FARS2: variants seen among roughly 807,000 people sequenced by gnomAD.
FARS2 encodes phenylalanyl-tRNA synthetase 2, mitochondrial, also known as phenylalanine--tRNA ligase, mitochondrial.
A neutral mutation model predicts 46.4 loss-of-function variants in FARS2; 40 were observed. The observed-to-expected ratio is 0.86, with a 90% CI of 0.67 to 1.12. The LOEUF is 1.12. Among genes scored for constraint, FARS2 ranks in the 50% most tolerant of loss-of-function variants. FARS2 has a pLI of 0.00. For synonymous variants in FARS2, 234 were observed against 214.9 expected (o/e 1.09, Z -0.78); for missense variants, 513 against 567.9 (o/e 0.90, Z 0.98).
chr6:5,707,185 T>C (rs567750833), intron 6 of FARS2, among the ~76,000 whole-genome samples: 7 of 152,326 alleles, frequency 4.6e-5, no homozygotes, highest in South Asian at 2.1e-4. Flanking sequence ...TGTTGATCCC[T>C]GTCTGGAGTT....
chr6:5,711,847 C>T (rs145183065), intron 6 of FARS2, among the ~76,000 whole-genome samples: 4 of 152,194 alleles, frequency 2.6e-5, no homozygotes, highest in Admixed American at 2.0e-4. Context: ...CTGAATAAAG[C>T]GTGGATGCTG....
intron 2 of FARS2, among the ~76,000 whole-genome samples, chr6:5,385,715 C>T (rs757484868): frequency 1.3e-5 from 2 of 152,142 alleles, no homozygotes; most frequent in African/African-American, 2.4e-5. Flanking sequence ...TGAGCCACCA[C>T]GCCCAGCTGG....
chr6:5,488,641 A>AAGGAGAATGGCGTGAACCCG (rs1561657202), intron 4 of FARS2, among the ~76,000 whole-genome samples: 2 of 151,780 alleles, frequency 1.3e-5, no homozygotes, highest in African/African-American at 4.8e-5. Flanking sequence ...ATGGAGCATA[A>AAGGAGAATGGCGTGAACCCG]GAGTTTAGTT....
chr6:5,281,712 A>G (rs957878197), intron 1 of FARS2, among the ~76,000 whole-genome samples: 3 of 151,768 alleles, frequency 2.0e-5, no homozygotes, highest in East Asian at 1.9e-4. Context: ...CCGAACCAAT[A>G]TATAGTAATG....
intron 4 of FARS2, among the ~76,000 whole-genome samples, chr6:5,541,088 A>G (rs149636667): frequency 6.6e-6 from 1 of 152,308 alleles, no homozygotes; most frequent in Non-Finnish European, 1.5e-5. Context: ...AGAGTTTGCT[A>G]TGGAACGTCT....
intron 2 of FARS2, among the ~76,000 whole-genome samples, chr6:5,395,265 G>T (rs931959205): frequency 6.6e-6 from 1 of 152,112 alleles, no homozygotes; most frequent in African/African-American, 2.4e-5. Flanking sequence ...TGGCCAGGCT[G>T]GTCTTGAGCT....
chr6:5,706,817 A>G (rs571975549), intron 6 of FARS2, among the ~76,000 whole-genome samples: 1 of 152,224 alleles, frequency 6.6e-6, no homozygotes. Flanking sequence ...TGCTGAATGA[A>G]ACACTCAGAA....
chr6:5,327,550 C>G (rs948019287), intron 1 of FARS2, among the ~76,000 whole-genome samples: 2 of 152,188 alleles, frequency 1.3e-5, no homozygotes, highest in Non-Finnish European at 2.9e-5. Flanking sequence ...TGCACACACT[C>G]TCTTGCCTGC....
intron 3 of FARS2, among the ~76,000 whole-genome samples, chr6:5,411,989 T>C (rs1016485622): frequency 3.3e-5 from 5 of 152,256 alleles, no homozygotes; most frequent in African/African-American, 1.2e-4. Context: ...TGGCACAGTT[T>C]CTTTGCTAAA....
At chr6:5,386,398 A>G (rs539424772) in intron 2 of FARS2, among the ~76,000 whole-genome samples, 1 of 151,568 alleles carries the variant, frequency 6.6e-6, no homozygotes, top group East Asian at 1.9e-4. Flanking sequence ...CTTCAGTTTA[A>G]AAAGAATGAG....
At chr6:5,616,031 A>C (rs912576109) in intron 6 of FARS2, among the ~76,000 whole-genome samples, 6 of 151,180 alleles carry the variant, frequency 4.0e-5, no homozygotes, top group Non-Finnish European at 8.9e-5. Flanking sequence ...AAAAAAAAAA[A>C]AAAACAACGA....
chr6:5,424,509 C>A (rs1349708520), intron 3 of FARS2, among the ~76,000 whole-genome samples: 2 of 152,158 alleles, frequency 1.3e-5, no homozygotes, highest in African/African-American at 4.8e-5. Context: ...CCAGACACAT[C>A]ATTCAGTGAA....
At chr6:5,401,486 A>G (rs916660006) in intron 2 of FARS2, among the ~76,000 whole-genome samples, 3 of 152,174 alleles carry the variant, frequency 2.0e-5, no homozygotes, top group Non-Finnish European at 2.9e-5. Context: ...TTGTCAGAAC[A>G]TATAACAATT....
chr6:5,543,630 G>A (rs1770769757), intron 4 of FARS2, among the ~76,000 whole-genome samples: 1 of 152,026 alleles, frequency 6.6e-6, no homozygotes, highest in Non-Finnish European at 1.5e-5. Flanking sequence ...CAAAGTGCTG[G>A]GATTACAGGC....
At chr6:5,418,743 C>G (rs1291519846) in intron 3 of FARS2, among the ~76,000 whole-genome samples, 1 of 152,184 alleles carries the variant, frequency 6.6e-6, no homozygotes, top group African/African-American at 2.4e-5. Flanking sequence ...ACTCCCGGCT[C>G]TGTCTCCTCA....
intron 4 of FARS2, among the ~76,000 whole-genome samples, chr6:5,517,601 A>T (rs1444213150): frequency 2.7e-5 from 4 of 149,788 alleles, no homozygotes; most frequent in African/African-American, 7.5e-5. Flanking sequence ...GACAAGAGTG[A>T]GACTCAGTCT....
At chr6:5,580,289 C>A (rs1341538242) in intron 5 of FARS2, among the ~76,000 whole-genome samples, 333 of 105,008 alleles carry the variant, frequency 3.2e-3, no homozygotes, top group Non-Finnish European at 3.8e-3. Flanking sequence ...GACTCCGTCT[C>A]AAAAAAAAAA....
intron 1 of FARS2, chr6:5,272,478 A>G (rs1157849821): frequency 6.6e-6 from 1 of 152,222 alleles, no homozygotes; most frequent in Admixed American, 6.5e-5. Flanking sequence ...CAGAAAAACT[A>G]TGATTATAAT....
intron 4 of FARS2, among the ~76,000 whole-genome samples, chr6:5,513,131 T>C (rs1359052453): frequency 6.6e-6 from 1 of 152,072 alleles, no homozygotes; most frequent in Non-Finnish European, 1.5e-5. Flanking sequence ...GTGGTTGGGA[T>C]GGAGAGAAAC....
Sources: allele counts gnomAD v4.1 joint callset (sites outside exome capture counted in the v4.1 genomes callset), GRCh38; gene constraint gnomAD v4.1.1; transcripts MANE v1.5; gene names NCBI Gene and HGNC (gene_info 2026-07-23, HGNC 2026-07-21).